Variants in RORA observed in about 807,000 individuals in gnomAD.
RORA encodes RAR related orphan receptor A.
In RORA, 7 loss-of-function variants were observed where a neutral mutation model predicts 69.5. That is an observed-to-expected ratio of 0.10 (90% CI 0.06 to 0.19). The LOEUF is 0.19. RORA is among the 10% of genes least tolerant of loss of function. The pLI is 1.00. For synonymous variants in RORA, 261 were observed against 240.8 expected (o/e 1.08, Z -0.78); for missense variants, 457 against 663.0 (o/e 0.69, Z 3.41).
chr15:60,673,016 G>A (rs551276144), intron 2 of RORA, among the ~76,000 whole-genome samples: 42 of 152,180 alleles, frequency 2.8e-4, no homozygotes, highest in African/African-American at 9.4e-4. Flanking sequence ...CCAATCCCTC[G>A]TAGGCTAGGC....
chr15:60,787,097 A>G (rs1449993545), intron 1 of RORA, among the ~76,000 whole-genome samples: 1 of 152,240 alleles, frequency 6.6e-6, no homozygotes, highest in African/African-American at 2.4e-5. Flanking sequence ...AAGCAAATCT[A>G]CAGCAAGTCA....
At chr15:61,031,750 G>A (rs780914693) in intron 1 of RORA, among the ~76,000 whole-genome samples, 1 of 152,196 alleles carries the variant, frequency 6.6e-6, no homozygotes, top group Admixed American at 6.6e-5. Flanking sequence ...CAAAGAGAAA[G>A]ACGTGGAAGG....
At chr15:61,051,186 G>T (rs192439494) in intron 1 of RORA, among the ~76,000 whole-genome samples, 109 of 152,342 alleles carry the variant, frequency 7.2e-4, no homozygotes, top group African/African-American at 2.6e-3. Context: ...GAAGAGGGGA[G>T]TGAGGCACTC....
intron 1 of RORA, among the ~76,000 whole-genome samples, chr15:60,929,890 C>A (rs1892327814): frequency 6.6e-6 from 1 of 152,092 alleles, no homozygotes; most frequent in African/African-American, 2.4e-5. Context: ...GACAAGCTCG[C>A]CTCTGTTCTT....
Position 60,809,179 on chromosome 15 carries a change from T to C in RORA, c.167-130493A>G, listed in dbSNP as rs146006973. Among the ~76,000 whole-genome samples, 267 of 152,116 alleles carry C rather than the reference T, an allele frequency of 1.8e-3. 2 individuals are homozygous for C. Among genetic ancestry groups the C allele is most frequent in the African/African-American group, 6.1e-3 (255 of 41,510 alleles). ...CCCCAAAACCCATTGAAAAAATAAA[T>C]TAAAAAATGTAAAAAGTCCTTCAGC... is the stretch of plus-strand genomic sequence containing the variant. On this transcript the variant is annotated intron_variant, in intron 1 of 10. Coordinates refer to ENST00000335670, the MANE Select transcript of RORA (RefSeq NM_134261.3).
At chr15:61,104,833 G>A (rs1367064069) in intron 1 of RORA, among the ~76,000 whole-genome samples, 3 of 152,064 alleles carry the variant, frequency 2.0e-5, no homozygotes, top group African/African-American at 4.8e-5. Flanking sequence ...CACATACTGT[G>A]GGAGGGACCC....
At chr15:60,785,754 G>C (rs1013030381) in intron 1 of RORA, among the ~76,000 whole-genome samples, 1 of 152,144 alleles carries the variant, frequency 6.6e-6, no homozygotes, top group South Asian at 2.1e-4. Flanking sequence ...TCATGTTTCC[G>C]ATCATCGCTT....
chr15:60,985,997 A>C (rs1414826925), intron 1 of RORA, among the ~76,000 whole-genome samples: 1 of 152,248 alleles, frequency 6.6e-6, no homozygotes, highest in Non-Finnish European at 1.5e-5. Flanking sequence ...GAATCAAGTT[A>C]CTTAAACTTA....
intron 2 of RORA, among the ~76,000 whole-genome samples, chr15:60,584,562 C>T (rs571129678): frequency 1.3e-5 from 2 of 152,292 alleles, no homozygotes; most frequent in South Asian, 2.1e-4. Flanking sequence ...TGGCTTAAGA[C>T]ACTTGATTGG....
chr15:60,774,864 C>T (rs928325613), intron 1 of RORA, among the ~76,000 whole-genome samples: 4 of 152,188 alleles, frequency 2.6e-5, no homozygotes, highest in Non-Finnish European at 5.9e-5. Flanking sequence ...GATTCTATTA[C>T]AAAACAACCA....
chr15:60,771,016 T>G (rs1028013258), intron 1 of RORA, among the ~76,000 whole-genome samples: 2 of 152,204 alleles, frequency 1.3e-5, no homozygotes, highest in African/African-American at 4.8e-5. Flanking sequence ...TTATTCTTTG[T>G]TTATCTGAAA....
intron 1 of RORA, among the ~76,000 whole-genome samples, chr15:61,146,487 C>T (rs1161882419): frequency 6.8e-6 from 1 of 147,164 alleles, no homozygotes. Flanking sequence ...CACACACGCA[C>T]ACACAGCAAC....
At chr15:60,798,909 G>A (rs150216985) in intron 1 of RORA, among the ~76,000 whole-genome samples, 1 of 151,570 alleles carries the variant, frequency 6.6e-6, no homozygotes, top group African/African-American at 2.4e-5. Flanking sequence ...GCTAACAAAG[G>A]CATCTAGTTA....
chr15:60,770,766 G>A (rs899623147), intron 1 of RORA, among the ~76,000 whole-genome samples: 1 of 152,146 alleles, frequency 6.6e-6, no homozygotes, highest in Admixed American at 6.5e-5. Flanking sequence ...GAGACTACGT[G>A]AATGCTTCAC....
chr15:61,202,486 T>G (rs1325776935), intron 1 of RORA, among the ~76,000 whole-genome samples: 2 of 152,032 alleles, frequency 1.3e-5, no homozygotes, highest in Non-Finnish European at 2.9e-5. Flanking sequence ...GCAAAAAGAA[T>G]AAGAAGAAAC....
At chr15:60,873,290 T>A (rs76171261) in intron 1 of RORA, among the ~76,000 whole-genome samples, 8,552 of 141,958 alleles carry the variant, frequency 0.06, 301 homozygotes, top group East Asian at 0.12. Context: ...TGTGTGTGTG[T>A]CTGTGTGTAT....
chr15:60,946,916 C>T (rs1033436470), intron 1 of RORA, among the ~76,000 whole-genome samples: 126 of 152,062 alleles, frequency 8.3e-4, no homozygotes, highest in African/African-American at 2.8e-3. Context: ...TCTGCCCGGC[C>T]CCGACCCCGT....
chr15:60,829,618 G>A (rs1405459776), intron 1 of RORA, among the ~76,000 whole-genome samples: 1 of 152,192 alleles, frequency 6.6e-6, no homozygotes, highest in Non-Finnish European at 1.5e-5. Context: ...CATGGAAAGA[G>A]TTTGTCAGTT....
chr15:60,521,921 T>C (rs936470846), intron 3 of RORA, among the ~76,000 whole-genome samples: 1 of 152,204 alleles, frequency 6.6e-6, no homozygotes, highest in African/African-American at 2.4e-5. Flanking sequence ...TTATTTCTGA[T>C]ACGTGTCTTA....
Sources: gnomAD v4.1 joint callset for allele counts (sites outside exome capture counted in the v4.1 genomes callset) on GRCh38, gnomAD v4.1.1 for gene constraint, MANE v1.5 for transcripts, NCBI Gene and HGNC (gene_info 2026-07-23, HGNC 2026-07-21) for gene names.